The following TOM1L2 variants were observed in gnomAD, a reference collection of about 807,000 sequenced individuals.
TOM1L2 encodes the protein TOM1-like protein 2.
TOM1L2 carries 31 observed loss-of-function variants against 67.9 expected under a neutral mutation model. The ratio of observed to expected loss-of-function variants is 0.46; its 90% confidence interval spans 0.34 to 0.62. The LOEUF is 0.62. TOM1L2 is among the 20% of genes least tolerant of loss of function. The pLI is 0.01. For synonymous variants in TOM1L2, 256 were observed against 254.0 expected (o/e 1.01, Z -0.07); for missense variants, 606 against 663.5 (o/e 0.91, Z 0.95).
At chr17:17,875,930 TTCTG>T (rs1358348324) in intron 7 of TOM1L2, among the ~76,000 whole-genome samples, 2 of 152,268 alleles carry the variant, frequency 1.3e-5, no homozygotes, top group Admixed American at 6.5e-5. Context: ...GCCTTGGCCG[TTCTG>T]TCTTTGTTGA....
chr17:17,947,212 G>A (rs1431625654), intron 1 of TOM1L2, among the ~76,000 whole-genome samples: 1 of 151,042 alleles, frequency 6.6e-6, no homozygotes, highest in Non-Finnish European at 1.5e-5. Context: ...TATACGGTGG[G>A]GGGGTCTCAC....
chr17:17,906,151 C>G (rs2039090702), intron 2 of TOM1L2, among the ~76,000 whole-genome samples: 1 of 142,654 alleles, frequency 7.0e-6, no homozygotes. Flanking sequence ...TTTTTTGAGA[C>G]AGGGTTTTTC....
intron 1 of TOM1L2, among the ~76,000 whole-genome samples, chr17:17,913,048 G>A (rs1240764449): frequency 2.0e-5 from 3 of 151,918 alleles, no homozygotes; most frequent in African/African-American, 7.2e-5. Flanking sequence ...CCAGTCAGGC[G>A]TGGCAGCGGG....
intron 12 of TOM1L2, among the ~76,000 whole-genome samples, chr17:17,853,073 T>TA (rs762314372): frequency 6.6e-6 from 1 of 152,130 alleles, no homozygotes; most frequent in Non-Finnish European, 1.5e-5. Flanking sequence ...ACACTGCTAC[T>TA]CTGTGCTTGC....
At chr17:17,943,471 G>A (rs1056724933) in intron 1 of TOM1L2, among the ~76,000 whole-genome samples, 2 of 152,170 alleles carry the variant, frequency 1.3e-5, no homozygotes, top group African/African-American at 4.8e-5. Context: ...CAACACTTGG[G>A]TATGGAGAGA....
intron 12 of TOM1L2, among the ~76,000 whole-genome samples, 184 bp downstream of exon 12, chr17:17,861,292 G>A (rs1390274555): frequency 6.6e-6 from 1 of 152,152 alleles, no homozygotes; most frequent in Non-Finnish European, 1.5e-5. Context: ...ATCTCACGGG[G>A]TGAGGTGAAG....
At chr17:17,880,723 C>T (rs957813054) in intron 6 of TOM1L2, among the ~76,000 whole-genome samples, 1 of 152,192 alleles carries the variant, frequency 6.6e-6, no homozygotes, top group African/African-American at 2.4e-5. Flanking sequence ...CGTTTCCTCA[C>T]CTACAGAAAG....
At chr17:17,900,081 C>T (rs1036305300) in intron 2 of TOM1L2, among the ~76,000 whole-genome samples, 1 of 151,140 alleles carries the variant, frequency 6.6e-6, no homozygotes, top group Non-Finnish European at 1.5e-5. Context: ...GGTGTGGTGG[C>T]AGCTGCCTGT....
chr17:17,905,180 T>C (rs554078560), intron 2 of TOM1L2, among the ~76,000 whole-genome samples: 1 of 152,334 alleles, frequency 6.6e-6, no homozygotes, highest in Non-Finnish European at 1.5e-5. Context: ...TGATCACCTA[T>C]ATTTAGCTGG....
At chr17:17,913,359 G>A (rs917104908) in intron 1 of TOM1L2, among the ~76,000 whole-genome samples, 1 of 151,780 alleles carries the variant, frequency 6.6e-6, no homozygotes. Flanking sequence ...GACTGGAGTT[G>A]CCAGCCTAGG....
At chr17:17,895,060 C>T (rs1033392831) in intron 3 of TOM1L2, among the ~76,000 whole-genome samples, 3 of 152,052 alleles carry the variant, frequency 2.0e-5, no homozygotes, top group Non-Finnish European at 2.9e-5. Context: ...ACCATGATTA[C>T]GTGATTACTG....
In TOM1L2 at chr17:17,972,314, C is replaced by G. The variant is rs772076266; in HGVS notation, c.-1G>C. The G allele has an allele frequency of 1.0e-5, 16 of 1,551,018 alleles. No individual in the cohort carries two copies. In the Admixed American group the frequency reaches 3.1e-4, roughly 30 times the overall value. ...ACGGGTTCCCCAGGAGGAACTCCATCTTGGGTGGACAACACGCAGCGGCCC... is the reference window on the plus strand; with the variant it reads ...ACGGGTTCCCCAGGAGGAACTCCATGTTGGGTGGACAACACGCAGCGGCCC... On this transcript the variant is annotated 5_prime_UTR_variant, in exon 1 of 15. Coordinates refer to ENST00000379504, the MANE Select transcript of TOM1L2 (RefSeq NM_001082968.2).
At chr17:17,848,460 C>T (rs1414806809) in intron 14 of TOM1L2, among the ~76,000 whole-genome samples, 1 of 152,216 alleles carries the variant, frequency 6.6e-6, no homozygotes, top group Non-Finnish European at 1.5e-5. Flanking sequence ...GGAGAGGCTC[C>T]TCCCTTCTGG....
chr17:17,968,445 T>C (rs556813639), intron 1 of TOM1L2, among the ~76,000 whole-genome samples: 1 of 152,282 alleles, frequency 6.6e-6, no homozygotes, highest in South Asian at 2.1e-4. Flanking sequence ...GGAGGGTGGA[T>C]CACGAGGTCA....
intron 1 of TOM1L2, among the ~76,000 whole-genome samples, chr17:17,912,507 G>A (rs1413258541): frequency 6.6e-5 from 10 of 151,820 alleles, no homozygotes; most frequent in Non-Finnish European, 1.3e-4. Context: ...CCTCCCAGAC[G>A]GGGTCACGGC....
intron 3 of TOM1L2, among the ~76,000 whole-genome samples, chr17:17,896,122 G>A (rs541902893): frequency 1.3e-5 from 2 of 152,094 alleles, no homozygotes; most frequent in African/African-American, 4.8e-5. Flanking sequence ...GAGGTAATTG[G>A]CATTCACTCT....
At position 17,972,293 on chromosome 17, in the gene TOM1L2, G is replaced by A; in HGVS notation, c.21C>T (p.Asn7=). Residue 7 remains asparagine (N), a synonymous_variant, in exon 1 of 15, where the codon AAC becomes AAT. Transcript: ENST00000379504. ...ACTGCCCCACTGGTGTGCTGAACGG[G>A]TTCCCCAGGAGGAACTCCATCTTGG... MEFLLG[N]PFSTPVGQCL... 6.4e-7 allele frequency: 1 copy of A among 1,552,158 alleles called. No individual in the cohort carries two copies. Among genetic ancestry groups the A allele is most frequent in the Non-Finnish European group, 8.7e-7 (1 of 1,148,472 alleles).
chr17:17,893,603 TC>T, intron 4 of TOM1L2, 57 bp downstream of exon 4: 1 of 1,509,170 alleles, frequency 6.6e-7, no homozygotes, highest in Non-Finnish European at 9.0e-7. Context: ...TGAGGACTCA[TC>T]AATAAGAGAC....
chr17:17,896,299 A>G (rs77821901), intron 3 of TOM1L2, among the ~76,000 whole-genome samples: 7,283 of 152,134 alleles, frequency 0.048, 196 homozygotes, highest in African/African-American at 0.076. Context: ...TTATTTTGTG[A>G]GAAGCAGGTG....
Sources: gnomAD v4.1 joint callset for allele counts (sites outside exome capture counted in the v4.1 genomes callset) on GRCh38, gnomAD v4.1.1 for gene constraint, MANE v1.5 for transcripts, NCBI Gene and HGNC (gene_info 2026-07-23, HGNC 2026-07-21) for gene names.